The following CHRNA3 variants were observed in gnomAD, a reference collection of about 807,000 sequenced individuals.
The protein encoded by CHRNA3 is cholinergic receptor nicotinic alpha 3 subunit, also known as neuronal acetylcholine receptor subunit alpha-3.
Under a neutral mutation model 41.9 loss-of-function variants are expected in CHRNA3, and 34 were observed. The ratio of observed to expected loss-of-function variants is 0.81; its 90% CI spans 0.62 to 1.08. The LOEUF (loss-of-function observed/expected upper bound fraction) is 1.08, where lower values mean the gene tolerates loss of function less well. CHRNA3 is among the 50% of genes least tolerant of loss of function. The pLI is 0.00. For missense variants in CHRNA3, 542 were observed against 638.3 expected, an observed-to-expected ratio of 0.85 and a Z score of 1.63; for synonymous variants, 281 against 265.2, an observed-to-expected ratio of 1.06 and a Z score of -0.58.
rs1335877120 is a variant in CHRNA3, at chr15:78,620,886, A to G, written c.-92T>C. On this transcript the variant is annotated 5_prime_UTR_variant, in exon 1 of 6. Coordinates refer to ENST00000326828, the MANE Select transcript of CHRNA3 (RefSeq NM_000743.5). Reference sequence around the variant, plus strand: ...CTCTCCCCGCGCGGCTCCAGCGCAGACCCCAGACCTGGAGCCGTGCGGGCG... The same window carrying G: ...CTCTCCCCGCGCGGCTCCAGCGCAGGCCCCAGACCTGGAGCCGTGCGGGCG... The G allele has an allele frequency of 5.5e-6, 7 of 1,272,972 alleles. No individual in the cohort carries two copies. The East Asian group carries it at 2.0e-4, about 36-fold the overall frequency. 78.9% of individuals were successfully genotyped at this position (1,272,972 alleles called of 1,614,324 possible).
At chr15:78,610,105 T>C (rs1348611374) in intron 4 of CHRNA3, among the ~76,000 whole-genome samples, 1 of 152,136 alleles carries the variant, frequency 6.6e-6, no homozygotes, top group Non-Finnish European at 1.5e-5. Flanking sequence ...CAAAGAGACT[T>C]AGACTCCCAC....
At chr15:78,611,045 C>A (rs2053372200) in intron 4 of CHRNA3, among the ~76,000 whole-genome samples, 1 of 151,992 alleles carries the variant, frequency 6.6e-6, no homozygotes, top group South Asian at 2.1e-4. Context: ...TCTGAATAGA[C>A]CAATAACAGG....
chr15:78,612,408 C>A (rs1447394938), intron 4 of CHRNA3, among the ~76,000 whole-genome samples: 3 of 141,208 alleles, frequency 2.1e-5, no homozygotes, highest in Non-Finnish European at 4.6e-5. Flanking sequence ...TCAGAAATAA[C>A]GCCACATATC....
Position 78,596,213 on chromosome 15 carries a change from T to C in CHRNA3, c.*391A>G, listed in dbSNP as rs1196365488. 1 of 987,284 alleles carries C rather than the reference T, an allele frequency of 1.0e-6. No individual in the cohort carries two copies. Among genetic ancestry groups the C allele is most frequent in the African/African-American group, 1.7e-5 (1 of 57,278 alleles). 61.2% of individuals were successfully genotyped at this position (987,284 alleles called of 1,614,324 possible). ...ATAAACCTTCAAAGAGATTATGGGC[T>C]AAATAAGAAAAATTACTGGGAGATC... is the stretch of plus-strand genomic sequence containing the variant. On this transcript the variant is annotated 3_prime_UTR_variant, in exon 6 of 6. Transcript: ENST00000326828.
intron 3 of CHRNA3, among the ~76,000 whole-genome samples, chr15:78,618,157 G>A (rs1387970384): frequency 2.6e-5 from 4 of 152,188 alleles, no homozygotes; most frequent in Non-Finnish European, 5.9e-5. Context: ...TGAGGCAGGA[G>A]AACTGCTTGA....
At chr15:78,618,538 T>TA (rs1366393005) in intron 3 of CHRNA3, 79 bp downstream of exon 3, 8 of 1,535,460 alleles carry the variant, frequency 5.2e-6, no homozygotes, top group Non-Finnish European at 7.2e-6. Flanking sequence ...GCCTGGTCTT[T>TA]AGGCCTTTCT....
Position 78,618,826 on chromosome 15 carries a change from CAG to C in CHRNA3, c.170_171del (p.Ser57Ter). 1 of 1,614,028 alleles carries C rather than the reference CAG, an allele frequency of 6.2e-7. No individual in the cohort carries two copies. The highest frequency in any genetic ancestry group is 8.5e-7 in the Non-Finnish European group (1 of 1,179,914). ...NEIIRPVANV[S>X]DPVIIHFEVS... ...ACCTCGAAATGGATGATGACTGGGT[CAG>C]ACACGTTGGCTACAGGCCGGATGAT... On this transcript the variant is annotated frameshift_variant, in exon 2 of 6. Transcript: ENST00000326828. LOFTEE classifies it high-confidence loss of function.
chr15:78,600,199 T>A (rs778312916), intron 5 of CHRNA3, among the ~76,000 whole-genome samples: 10 of 152,126 alleles, frequency 6.6e-5, no homozygotes, highest in Non-Finnish European at 1.3e-4. Flanking sequence ...CTCAGCCTCC[T>A]GAGTAGCTGG....
rs1239960277 is a variant in CHRNA3, at chr15:78,618,811, G to A, written c.187C>T (p.His63Tyr). Residue 63 changes from histidine (H) to tyrosine (Y), a missense_variant, in exon 2 of 6, where the codon CAT becomes TAT. His to Tyr is a moderately conservative substitution (Grantham distance 83). Coordinates refer to ENST00000326828, the MANE Select transcript of CHRNA3 (RefSeq NM_000743.5). ...VANVSDPVII[H>Y]FEVSMSQLVK... ...AGCTGAGACATGGACACCTCGAAAT[G>A]GATGATGACTGGGTCAGACACGTTG... is the stretch of plus-strand genomic sequence containing the variant. 1.9e-6 allele frequency: 3 copies of A among 1,614,108 alleles called. No individual in the cohort carries two copies. The highest frequency in any genetic ancestry group is 3.3e-5 in the Admixed American group (2 of 60,022).
chr15:78,614,975 C>A (rs2053439362), intron 4 of CHRNA3, among the ~76,000 whole-genome samples: 1 of 152,070 alleles, frequency 6.6e-6, no homozygotes, highest in Non-Finnish European at 1.5e-5. Context: ...GGAGAGGCCT[C>A]CCAAAACTGG....
At chr15:78,615,780 C>CA (rs2053452370) in intron 4 of CHRNA3, among the ~76,000 whole-genome samples, 1 of 137,394 alleles carries the variant, frequency 7.3e-6, no homozygotes, top group African/African-American at 2.7e-5. Context: ...GTCTCACTGT[C>CA]ACCCAGGCTG....
rs2053095140 is a variant in CHRNA3, at chr15:78,595,712, C to T, written c.*892G>A. The T allele has an allele frequency of 6.6e-6, 1 of 152,282 alleles. No individual in the cohort carries two copies. The highest frequency in any genetic ancestry group is 2.4e-5 in the African/African-American group (1 of 41,414). 9.4% of individuals were successfully genotyped at this position (152,282 alleles called of 1,614,324 possible). On this transcript the variant is annotated 3_prime_UTR_variant, in exon 6 of 6. Coordinates refer to ENST00000326828, the MANE Select transcript of CHRNA3 (RefSeq NM_000743.5). ...TCATGCTGTGGTCCAAATGTGTCCTCCCCCAATTCATATGTTGAAACCTAT... is the reference window on the plus strand; with the variant it reads ...TCATGCTGTGGTCCAAATGTGTCCTTCCCCAATTCATATGTTGAAACCTAT...
At chr15:78,610,563 C>T (rs887046066) in intron 4 of CHRNA3, among the ~76,000 whole-genome samples, 14 of 151,980 alleles carry the variant, frequency 9.2e-5, no homozygotes, top group Admixed American at 7.9e-4. Context: ...ATCTCTGGGA[C>T]GCATTCAAAG....
At chr15:78,605,592 A>T (rs1180739855) in intron 4 of CHRNA3, among the ~76,000 whole-genome samples, 1 of 152,202 alleles carries the variant, frequency 6.6e-6, no homozygotes, top group Non-Finnish European at 1.5e-5. Flanking sequence ...ATTTGTGGGC[A>T]AGAACCAAAA....
chr15:78,598,999 G>C (rs1010692239), intron 5 of CHRNA3, among the ~76,000 whole-genome samples: 1 of 150,224 alleles, frequency 6.7e-6, no homozygotes, highest in Non-Finnish European at 1.5e-5. Flanking sequence ...ACCACCCCCC[G>C]GTTAATTTAT....
Position 78,620,934 on chromosome 15 carries a change from G to T in CHRNA3, c.-140C>A. Reference sequence around the variant, plus strand: ...GCGGAGACGCGCGGGGCTCCTCTCCGCTTCGCCGCCGCTGGGTTTCCAGCG... The same window carrying T: ...GCGGAGACGCGCGGGGCTCCTCTCCTCTTCGCCGCCGCTGGGTTTCCAGCG... On this transcript the variant is annotated 5_prime_UTR_variant, in exon 1 of 6. Coordinates refer to ENST00000326828, the MANE Select transcript of CHRNA3 (RefSeq NM_000743.5). The T allele has an allele frequency of 8.9e-7, 1 of 1,126,994 alleles. No individual in the cohort carries two copies. The highest frequency in any genetic ancestry group is 1.1e-6 in the Non-Finnish European group (1 of 894,618). The allele number at this position is 1,126,994 out of a possible 1,614,324, so 69.8% of individuals were successfully genotyped here. A position where few individuals can be genotyped will look rare whatever the true frequency, so the allele number is the denominator to read the frequency against.
At chr15:78,614,626 A>ATAAAACATTATTT (rs1278013592) in intron 4 of CHRNA3, among the ~76,000 whole-genome samples, 1 of 152,254 alleles carries the variant, frequency 6.6e-6, no homozygotes, top group African/African-American at 2.4e-5. Context: ...TTGTACTAAT[A>ATAAAACATTATTT]TGGCATAAAA....
chr15:78,608,671 C>G (rs1179301245), intron 4 of CHRNA3, among the ~76,000 whole-genome samples: 1 of 152,188 alleles, frequency 6.6e-6, no homozygotes, highest in East Asian at 1.9e-4. Flanking sequence ...AAAATCAGAG[C>G]ACCTCTCCTC....
At chr15:78,594,573 G>T, downstream of CHRNA3, 1 of 152,404 alleles carries the variant, frequency 6.6e-6, no homozygotes. Flanking sequence ...AGCTACTCAA[G>T]AGGCTGAGGC....
Sources: allele counts gnomAD v4.1 joint callset (sites outside exome capture counted in the v4.1 genomes callset), GRCh38; gene constraint gnomAD v4.1.1; transcripts MANE v1.5; gene names NCBI Gene and HGNC (gene_info 2026-07-23, HGNC 2026-07-21).